The following MRPL34 variants were observed in gnomAD, a reference collection of about 807,000 sequenced individuals.
The protein encoded by MRPL34 is large ribosomal subunit protein bL34m.
In MRPL34, 8 loss-of-function variants were observed where a neutral mutation model predicts 6.7. That is an observed-to-expected ratio of 1.20 (90% CI 0.70 to 2.16). MRPL34 has a LOEUF of 2.16. MRPL34 is among the 30% of genes most tolerant of loss of function. The probability of loss-of-function intolerance (pLI) is 0.00; values close to 1 mark genes in which losing one functional copy is unlikely to be tolerated. For missense variants in MRPL34, 146 were observed against 125.5 expected, an observed-to-expected ratio of 1.16 and a Z score of -0.78; for synonymous variants, 59 against 55.1, an observed-to-expected ratio of 1.07 and a Z score of -0.31.
chr19:17,306,224 C>T lies in MRPL34; in HGVS notation c.124C>T (p.Gln42Ter), dbSNP rs3178852. The T allele has an allele frequency of 5.0e-5, 79 of 1,566,898 alleles. No homozygotes were observed. Among genetic ancestry groups the T allele is most frequent in the Non-Finnish European group, 6.7e-5 (78 of 1,156,436 alleles). Reference protein sequence around the residue: ...FPDAWGLPTPQQARGKARGNE... With the variant: ...FPDAWGLPTP ...AGACGCCTGGGGCCTCCCCACCCCG[C>T]AGCAGGCCCGGGGCAAGGCTCGCGG... The change falls in exon 2 of 2, where the codon CAG becomes TAG. Residue 42 changes from glutamine to a stop codon, truncating the protein, a stop_gained. Coordinates refer to ENST00000252602, the MANE Select transcript of MRPL34 (RefSeq NM_023937.4). LOFTEE classifies it high-confidence loss of function.
At chr19:17,301,406 C>T (rs766966995), upstream of MRPL34, 1 of 1,612,010 alleles carries the variant, frequency 6.2e-7, no homozygotes. Flanking sequence ...CCGGAGAGGT[C>T]CCCCTGGGCT....
upstream of MRPL34, among the ~76,000 whole-genome samples, chr19:17,300,200 G>T (rs1027345939): frequency 6.6e-6 from 1 of 151,390 alleles, no homozygotes; most frequent in East Asian, 1.9e-4. Flanking sequence ...CACCGCGCCC[G>T]GATTTTTTTT....
At chr19:17,294,743 G>C (rs780190388) in intron 1 of MRPL34, 1 of 1,614,194 alleles carries the variant, frequency 6.2e-7, no homozygotes, top group South Asian at 1.1e-5. Context: ...TGAAGATTGA[G>C]CAGAAGCTGG....
rs772347965 is a variant in MRPL34 at position 17,305,966 on chromosome 19, T to A, written c.65+9T>A. On this transcript the variant is annotated intron_variant, in intron 1 of 1. Coordinates refer to ENST00000252602, the MANE Select transcript of MRPL34 (RefSeq NM_023937.4). ...GCGTTGCTGGGTGGCAGGTAAGTCC[T>A]CAGGGGGACCCTTCCCCAAATCAGG... 15 of 1,613,912 alleles carry A rather than the reference T, an allele frequency of 9.3e-6. No homozygotes were observed. The Admixed American group carries it at 1.5e-4, about 16-fold the overall frequency.
At chr19:17,294,284 C>G in intron 1 of MRPL34, 1 of 1,599,888 alleles carries the variant, frequency 6.3e-7, no homozygotes, top group Non-Finnish European at 8.5e-7. Flanking sequence ...GTGCCCGCCT[C>G]TACCTCGGCC....
At chr19:17,294,412 A>G in intron 1 of MRPL34, 2 of 1,614,096 alleles carry the variant, frequency 1.2e-6, no homozygotes, top group Non-Finnish European at 1.7e-6. Flanking sequence ...CTGGCCGCTC[A>G]TCATGGCCCG....
At chr19:17,297,485 G>A (rs553540016) in intron 1 of MRPL34, among the ~76,000 whole-genome samples, 5 of 151,990 alleles carry the variant, frequency 3.3e-5, no homozygotes, top group Admixed American at 6.6e-5. Context: ...TATTAGAGAC[G>A]GGGTTTCACC....
At chr19:17,297,760 T>C (rs1286784549) in intron 1 of MRPL34, 1 of 128,518 alleles carries the variant, frequency 7.8e-6, no homozygotes, top group Non-Finnish European at 1.8e-5. Flanking sequence ...TTTTTTTTTT[T>C]ACTTTTTAGT....
At chr19:17,292,608 GC>G in exon 1 of MRPL34, 2 of 1,539,096 alleles carry the variant, frequency 1.3e-6, no homozygotes, top group Non-Finnish European at 8.7e-7. Context: ...GCAGGCTCGG[GC>G]CTCCTCCTGC....
upstream of MRPL34, among the ~76,000 whole-genome samples, chr19:17,303,961 C>T (rs190338817): frequency 6.4e-3 from 973 of 151,394 alleles, 3 homozygotes; most frequent in Non-Finnish European, 0.01. Context: ...CTCCCCCCTA[C>T]GCCCCCCCCT....
At chr19:17,301,660 C>T, upstream of MRPL34, 2 of 1,506,500 alleles carry the variant, frequency 1.3e-6, no homozygotes, top group Non-Finnish European at 1.8e-6. Flanking sequence ...CAGGTGCTGT[C>T]TCAATGAGAA....
chr19:17,300,906 G>T, upstream of MRPL34: 1 of 1,607,758 alleles, frequency 6.2e-7, no homozygotes, highest in Non-Finnish European at 8.5e-7. Flanking sequence ...AGCGCTTGAA[G>T]ATTGCTCGCA....
At chr19:17,294,552 G>A in intron 1 of MRPL34, 1 of 1,611,268 alleles carries the variant, frequency 6.2e-7, no homozygotes, top group East Asian at 2.2e-5. Context: ...CAGCCCGACT[G>A]CCGTGGGGTG....
In MRPL34 at chr19:17,306,252, A is replaced by G. The variant is rs746336605; in HGVS notation, c.152A>G (p.Asn51Ser). Residue 51 changes from asparagine (N) to serine (S), a missense_variant, in exon 2 of 2, where the codon AAT becomes AGT. By Grantham distance (46) the Asn-to-Ser change is conservative. Coordinates refer to ENST00000252602, the MANE Select transcript of MRPL34 (RefSeq NM_023937.4). Reference sequence around the variant, plus strand: ...CAGGCCCGGGGCAAGGCTCGCGGGAATGAGTATCAGCCGAGCAACATCAAA... The same window carrying G: ...CAGGCCCGGGGCAAGGCTCGCGGGAGTGAGTATCAGCCGAGCAACATCAAA... ...PQQARGKARG[N>S]EYQPSNIKRK... 5 of 1,595,306 alleles carry G rather than the reference A, an allele frequency of 3.1e-6. No individual in the cohort carries two copies. The highest frequency in any genetic ancestry group is 4.3e-6 in the Non-Finnish European group (5 of 1,171,820).
chr19:17,294,621 G>T, intron 1 of MRPL34: 1 of 1,608,384 alleles, frequency 6.2e-7, no homozygotes. Flanking sequence ...AACTCGAGCA[G>T]ATGCCTGGGT....
chr19:17,306,523 G>A lies in MRPL34; in HGVS notation c.*144G>A. 1.4e-6 allele frequency: 1 copy of A among 736,066 alleles called. No individual in the cohort carries two copies. Among genetic ancestry groups the A allele is most frequent in the South Asian group, 2.0e-5 (1 of 50,766 alleles). 45.6% of individuals were successfully genotyped at this position (736,066 alleles called of 1,614,324 possible). ...ATATTGTGGGGTTGAAGTCTGGATG[G>A]GAGCTTGCCAAGTCCCTTTTTAGGC... is the stretch of plus-strand genomic sequence containing the variant. On this transcript the variant is annotated 3_prime_UTR_variant, in exon 2 of 2. Transcript: ENST00000252602.
At chr19:17,300,573 G>A (rs1196654266), upstream of MRPL34, among the ~76,000 whole-genome samples, 1 of 152,128 alleles carries the variant, frequency 6.6e-6, no homozygotes, top group Non-Finnish European at 1.5e-5. Context: ...CACCTCCTCG[G>A]TTCAAGTGAT....
chr19:17,294,949 AG>A, intron 1 of MRPL34: 1 of 1,372,144 alleles, frequency 7.3e-7, no homozygotes, highest in South Asian at 1.4e-5. Context: ...TGTTTGAGAC[AG>A]TTTTACTCTG....
At chr19:17,298,797 G>C (rs2074104265), upstream of MRPL34, among the ~76,000 whole-genome samples, 1 of 130,636 alleles carries the variant, frequency 7.7e-6, no homozygotes, top group African/African-American at 2.9e-5. Flanking sequence ...CTGGAGTGCA[G>C]TGGTGTGATC....
Sources: gnomAD v4.1 joint callset for allele counts (sites outside exome capture counted in the v4.1 genomes callset) on GRCh38, gnomAD v4.1.1 for gene constraint, MANE v1.5 for transcripts, NCBI Gene and HGNC (gene_info 2026-07-23, HGNC 2026-07-21) for gene names.